CTNNA2: variants seen among roughly 807,000 people sequenced by gnomAD.
The protein encoded by CTNNA2 is catenin alpha-2.
A neutral mutation model predicts 101.0 loss-of-function variants in CTNNA2; 42 were observed. The observed-to-expected ratio is 0.42, with a 90% CI of 0.32 to 0.54. The LOEUF (loss-of-function observed/expected upper bound fraction) is 0.54, where lower values mean the gene tolerates loss of function less well. Among genes scored for constraint, CTNNA2 ranks in the 20% least tolerant of loss-of-function variants. The pLI is 0.14. For synonymous variants in CTNNA2, 450 were observed against 456.4 expected (o/e 0.99, Z 0.18); for missense variants, 871 against 1,223.1 (o/e 0.71, Z 4.29).
intron 3 of CTNNA2, among the ~76,000 whole-genome samples, chr2:79,332,304 A>G (rs2902049): frequency 2.3e-4 from 15 of 65,752 alleles, no homozygotes; most frequent in East Asian, 5.1e-4. Flanking sequence ...AGAAGAAGAA[A>G]AAAAAAAAAA....
intron 7 of CTNNA2, chr2:80,305,310 A>C (rs1676821503): frequency 1.0e-6 from 1 of 985,246 alleles, no homozygotes; most frequent in African/African-American, 1.7e-5. Flanking sequence ...TGTGAGATCC[A>C]GTGTGGCAAA....
chr2:79,408,781 G>C (rs534045240), intron 4 of CTNNA2, among the ~76,000 whole-genome samples: 6 of 152,108 alleles, frequency 3.9e-5, no homozygotes, highest in Non-Finnish European at 1.5e-5. Context: ...TGTCTTTATA[G>C]CAGCATGATT....
At chr2:80,391,612 G>C (rs1677527162) in intron 7 of CTNNA2, among the ~76,000 whole-genome samples, 2 of 152,180 alleles carry the variant, frequency 1.3e-5, no homozygotes, top group African/African-American at 4.8e-5. Context: ...TATTTGCAAG[G>C]AGAGAACCAA....
At chr2:79,836,749 A>T (rs1281518707) in intron 3 of CTNNA2, among the ~76,000 whole-genome samples, 1 of 151,926 alleles carries the variant, frequency 6.6e-6, no homozygotes, top group Non-Finnish European at 1.5e-5. Flanking sequence ...TGTATTCTGT[A>T]TCTGGTCTCT....
chr2:80,062,359 A>C, intron 7 of CTNNA2, among the ~76,000 whole-genome samples: 1 of 152,146 alleles, frequency 6.6e-6, no homozygotes, highest in Non-Finnish European at 1.5e-5. Flanking sequence ...TTAAGGTAAA[A>C]TTCATTTGTG....
intron 9 of CTNNA2, among the ~76,000 whole-genome samples, chr2:80,484,461 C>G (rs145745355): frequency 1.5e-3 from 229 of 151,948 alleles, no homozygotes; most frequent in African/African-American, 5.3e-3. Context: ...ATTGGCTGTT[C>G]GGCGAAAAAG....
intron 17 of CTNNA2, among the ~76,000 whole-genome samples, chr2:80,609,109 T>C (rs151048271): frequency 6.6e-6 from 1 of 151,878 alleles, no homozygotes; most frequent in East Asian, 1.9e-4. Context: ...TCCAGAAATG[T>C]GGCTCTGACA....
At chr2:80,371,474 T>A (rs946278781) in intron 7 of CTNNA2, among the ~76,000 whole-genome samples, 8 of 150,900 alleles carry the variant, frequency 5.3e-5, no homozygotes, top group Non-Finnish European at 8.8e-5. Context: ...ACAGGAACCA[T>A]GGTAGAAAGA....
chr2:80,379,253 G>A (rs543822444), intron 7 of CTNNA2, among the ~76,000 whole-genome samples: 1 of 152,242 alleles, frequency 6.6e-6, no homozygotes, highest in East Asian at 1.9e-4. Context: ...GCCTTAGTAA[G>A]ATCAGCAGTC....
intron 9 of CTNNA2, among the ~76,000 whole-genome samples, chr2:80,487,116 A>G (rs1396915578): frequency 6.6e-6 from 1 of 151,860 alleles, no homozygotes; most frequent in Non-Finnish European, 1.5e-5. Flanking sequence ...CCCCGTCTCT[A>G]CTAAAAATAC....
At chr2:79,818,821 T>TTATATATATATATATATATATATA (rs372924495) in intron 3 of CTNNA2, among the ~76,000 whole-genome samples, 3 of 74,254 alleles carry the variant, frequency 4.0e-5, no homozygotes, top group Admixed American at 1.5e-4. Flanking sequence ...CAAAATGCAA[T>TTATATATATATATATATATATATA]TATATATATA....
At chr2:80,146,717 T>TTTTG (rs1703363608) in intron 7 of CTNNA2, among the ~76,000 whole-genome samples, 4 of 81,990 alleles carry the variant, frequency 4.9e-5, no homozygotes, top group Non-Finnish European at 9.4e-5. Context: ...CTGGTTTTTT[T>TTTTG]TTTTTTTTTT....
chr2:80,578,250 C>T (rs967548348), intron 13 of CTNNA2, among the ~76,000 whole-genome samples: 2 of 152,138 alleles, frequency 1.3e-5, no homozygotes, highest in East Asian at 1.9e-4. Flanking sequence ...AGTGGAACCA[C>T]GAAACTAGGA....
At chr2:80,475,609 T>C (rs1368365558) in intron 9 of CTNNA2, among the ~76,000 whole-genome samples, 1 of 152,022 alleles carries the variant, frequency 6.6e-6, no homozygotes, top group Admixed American at 6.6e-5. Flanking sequence ...AGGTGGGAGA[T>C]TAGGTGTTTT....
chr2:79,916,607 C>A lies in CTNNA2; in HGVS notation c.1056+6810C>A, dbSNP rs1219102924. ...TTTTTTTTTTGACGGAGGAGTCTCG[C>A]TGTATCACCCATGCTGGAGTACAGT... On this transcript the variant is annotated intron_variant, in intron 7 of 18. Coordinates refer to ENST00000402739, the MANE Select transcript of CTNNA2 (RefSeq NM_001282597.3). Among the ~76,000 whole-genome samples the A allele has an allele frequency of 9.9e-5, 12 of 121,728 alleles. 1 individual carries two copies. Among genetic ancestry groups the A allele is most frequent in the African/African-American group, 3.7e-4 (12 of 32,374 alleles). The allele number at this position is 121,728 out of a possible 152,430, so 79.9% of individuals were successfully genotyped here.
chr2:80,044,531 A>T (rs543975334), intron 7 of CTNNA2, among the ~76,000 whole-genome samples: 2 of 152,168 alleles, frequency 1.3e-5, no homozygotes, highest in African/African-American at 4.8e-5. Flanking sequence ...TACCAAATGC[A>T]GCTGGTATGG....
chr2:79,575,963 C>G (rs558138723), intron 1 of CTNNA2, among the ~76,000 whole-genome samples: 1 of 152,108 alleles, frequency 6.6e-6, no homozygotes, highest in South Asian at 2.1e-4. Flanking sequence ...CTGTGAACAC[C>G]AAATGAGAAT....
At chr2:80,558,878 T>G (rs1246626585) in intron 12 of CTNNA2, among the ~76,000 whole-genome samples, 1 of 152,176 alleles carries the variant, frequency 6.6e-6, no homozygotes, top group Admixed American at 6.6e-5. Flanking sequence ...AAAAATTCTG[T>G]GCCATTAGAT....
intron 2 of CTNNA2, among the ~76,000 whole-genome samples, chr2:79,214,310 A>G (rs1295391493): frequency 6.6e-6 from 1 of 152,170 alleles, no homozygotes; most frequent in Non-Finnish European, 1.5e-5. Context: ...GTGCAAAGAA[A>G]TAGTAAAGAA....
Sources: allele counts gnomAD v4.1 joint callset (sites outside exome capture counted in the v4.1 genomes callset), GRCh38; gene constraint gnomAD v4.1.1; transcripts MANE v1.5; gene names NCBI Gene and HGNC (gene_info 2026-07-23, HGNC 2026-07-21).